Variants in PDE4D observed in about 807,000 individuals in gnomAD.
PDE4D encodes 3',5'-cyclic-AMP phosphodiesterase 4D.
Under a neutral mutation model 87.4 loss-of-function variants are expected in PDE4D, and 24 were observed. That is an observed-to-expected ratio of 0.27 (90% CI 0.20 to 0.39). The LOEUF (loss-of-function observed/expected upper bound fraction) is 0.39. Among genes scored for constraint, PDE4D ranks in the 10% least tolerant of loss-of-function variants. The probability of loss-of-function intolerance (pLI) is 1.00; values close to 1 mark genes in which losing one functional copy is unlikely to be tolerated. For synonymous variants in PDE4D, 384 were observed against 383.2 expected, an observed-to-expected ratio of 1.00 and a Z score of -0.02; for missense variants, 714 against 1,041.0, an observed-to-expected ratio of 0.69 and a Z score of 4.32.
At chr5:60,231,480 C>G (rs903904367) in intron 1 of PDE4D, among the ~76,000 whole-genome samples, 2 of 151,830 alleles carry the variant, frequency 1.3e-5, no homozygotes, top group Non-Finnish European at 2.9e-5. Flanking sequence ...AAAAAATGAT[C>G]TTAATGATAT....
At chr5:59,705,556 A>G (rs1753263953) in intron 1 of PDE4D, among the ~76,000 whole-genome samples, 1 of 152,182 alleles carries the variant, frequency 6.6e-6, no homozygotes, top group Non-Finnish European at 1.5e-5. Context: ...TACGGTAAAT[A>G]TATTTTCTTG....
At chr5:60,379,224 A>T (rs974946020) in intron 1 of PDE4D, among the ~76,000 whole-genome samples, 2 of 152,102 alleles carry the variant, frequency 1.3e-5, no homozygotes, top group Admixed American at 1.3e-4. Flanking sequence ...CAATCAACCA[A>T]AGAAGTCGTT....
At chr5:60,457,772 T>C (rs1161184153) in intron 1 of PDE4D, among the ~76,000 whole-genome samples, 2 of 152,182 alleles carry the variant, frequency 1.3e-5, no homozygotes. Context: ...CAATGCCGTC[T>C]GTAAGATGGG....
chr5:60,326,893 T>A (rs1756845609), intron 1 of PDE4D, among the ~76,000 whole-genome samples: 1 of 152,182 alleles, frequency 6.6e-6, no homozygotes, highest in African/African-American at 2.4e-5. Flanking sequence ...AACAACTATG[T>A]ATTTTCACTG....
chr5:60,073,613 T>C (rs1447979375), intron 2 of PDE4D, among the ~76,000 whole-genome samples: 2 of 151,930 alleles, frequency 1.3e-5, no homozygotes, highest in African/African-American at 2.4e-5. Flanking sequence ...TCTTTGTATA[T>C]CTACTAGAAT....
intron 5 of PDE4D, among the ~76,000 whole-genome samples, chr5:59,042,224 AG>A (rs1759804841): frequency 6.6e-6 from 1 of 152,200 alleles, no homozygotes; most frequent in African/African-American, 2.4e-5. Context: ...CTAGGTGAGT[AG>A]GCAATATAGC....
At chr5:58,980,962 G>A (rs1744977318) in intron 11 of PDE4D, among the ~76,000 whole-genome samples, 1 of 152,164 alleles carries the variant, frequency 6.6e-6, no homozygotes, top group South Asian at 2.1e-4. Flanking sequence ...TTAGAGGCAG[G>A]AGAATATGTA....
At chr5:60,177,057 TC>T (rs1783976082) in intron 2 of PDE4D, among the ~76,000 whole-genome samples, 1 of 152,154 alleles carries the variant, frequency 6.6e-6, no homozygotes, top group African/African-American at 2.4e-5. Flanking sequence ...TTATATTCAG[TC>T]CTATAGTTTT....
At chr5:59,085,421 C>A (rs935241748) in intron 5 of PDE4D, among the ~76,000 whole-genome samples, 2 of 152,030 alleles carry the variant, frequency 1.3e-5, no homozygotes, top group Admixed American at 6.6e-5. Context: ...ATTGACAGTT[C>A]GTTTTCTCCC....
intron 1 of PDE4D, among the ~76,000 whole-genome samples, chr5:60,241,362 C>T (rs143242807): frequency 8.8e-4 from 133 of 150,322 alleles, no homozygotes; most frequent in African/African-American, 3.2e-3. Context: ...CCACCTCTGC[C>T]TCCAGGGTTC....
intron 2 of PDE4D, among the ~76,000 whole-genome samples, chr5:60,078,757 G>A (rs1281860930): frequency 2.6e-5 from 4 of 152,168 alleles, no homozygotes; most frequent in Admixed American, 6.5e-5. Context: ...TGGTGTATAT[G>A]TACTACATTT....
At chr5:59,177,645 C>CGT (rs1784105173) in intron 5 of PDE4D, among the ~76,000 whole-genome samples, 1 of 152,158 alleles carries the variant, frequency 6.6e-6, no homozygotes, top group Non-Finnish European at 1.5e-5. Context: ...AGAGCAACCA[C>CGT]GTGGTATAAT....
chr5:60,391,296 T>A (rs112864635), intron 1 of PDE4D, among the ~76,000 whole-genome samples: 1 of 152,236 alleles, frequency 6.6e-6, no homozygotes, highest in Non-Finnish European at 1.5e-5. Flanking sequence ...TGAAGGTAGA[T>A]AGCTATAAAT....
At chr5:60,278,952 A>G (rs1346648240) in intron 1 of PDE4D, among the ~76,000 whole-genome samples, 2 of 152,184 alleles carry the variant, frequency 1.3e-5, no homozygotes, top group African/African-American at 2.4e-5. Context: ...TTCTTGGTAT[A>G]AGAATAATTT....
At chr5:59,391,030 A>C (rs539497931) in intron 1 of PDE4D, among the ~76,000 whole-genome samples, 49 of 152,266 alleles carry the variant, frequency 3.2e-4, no homozygotes, top group African/African-American at 1.2e-3. Flanking sequence ...CACTTCCCTA[A>C]ATGTTGTACT....
At chr5:60,314,014 CT>C (rs1253853526) in intron 1 of PDE4D, among the ~76,000 whole-genome samples, 5 of 152,126 alleles carry the variant, frequency 3.3e-5, no homozygotes, top group African/African-American at 1.2e-4. Context: ...AAGCATTCCC[CT>C]TGAGAGCCAG....
chr5:59,275,233 G>GTAAATA, intron 1 of PDE4D: 1 of 883,470 alleles, frequency 1.1e-6, no homozygotes, highest in East Asian at 2.5e-5. Flanking sequence ...CGCCAATACT[G>GTAAATA]CCTTCTTTCA....
In PDE4D at chr5:59,690,594, T is replaced by C. The variant is rs141012455; in HGVS notation, c.455+202574A>G. 8.1e-3 allele frequency among the ~76,000 whole-genome samples: 1,237 copies of C among 152,254 alleles called. 12 individuals are homozygous for C. The highest frequency in any genetic ancestry group is 0.028 in the African/African-American group (1,182 of 41,560). ...CAAGATGGATTAAAAACTTAAATGT[T>C]AGACCTAAAACCATAAAAACCCTAC... On this transcript the variant is annotated intron_variant, in intron 1 of 14. Coordinates refer to ENST00000340635, the MANE Select transcript of PDE4D (RefSeq NM_001104631.2).
At chr5:59,005,511 C>T (rs1361577282) in intron 6 of PDE4D, among the ~76,000 whole-genome samples, 1 of 152,144 alleles carries the variant, frequency 6.6e-6, no homozygotes, top group Non-Finnish European at 1.5e-5. Context: ...AATCTCCTTC[C>T]TATTGCCACG....
Sources: gnomAD v4.1 joint callset for allele counts (sites outside exome capture counted in the v4.1 genomes callset) on GRCh38, gnomAD v4.1.1 for gene constraint, MANE v1.5 for transcripts, NCBI Gene and HGNC (gene_info 2026-07-23, HGNC 2026-07-21) for gene names.